UBE3C: variants seen among roughly 807,000 people sequenced by gnomAD.
UBE3C encodes ubiquitin protein ligase E3C, also known as ubiquitin-protein ligase E3C.
Under a neutral mutation model 129.4 loss-of-function variants are expected in UBE3C, and 42 were observed. The observed-to-expected ratio is 0.32, with a 90% CI of 0.25 to 0.42. The LOEUF (loss-of-function observed/expected upper bound fraction) is 0.42. Among genes scored for constraint, UBE3C ranks in the 10% least tolerant of loss-of-function variants. The pLI, the probability that UBE3C is intolerant of heterozygous loss-of-function variation, is 1.00. For missense variants in UBE3C, 1,049 were observed against 1,319.1 expected, an observed-to-expected ratio of 0.80 and a Z score of 3.17; for synonymous variants, 510 against 492.4, an observed-to-expected ratio of 1.04 and a Z score of -0.47.
At chr7:157,167,665 T>C (rs750384077) in intron 2 of UBE3C, among the ~76,000 whole-genome samples, 13 of 152,082 alleles carry the variant, frequency 8.5e-5, no homozygotes, top group Non-Finnish European at 1.5e-4. Flanking sequence ...TGCCTCCTGG[T>C]AGCTGGGACT....
At chr7:157,250,352 A>G (rs1446334843) in intron 19 of UBE3C, among the ~76,000 whole-genome samples, 1 of 152,040 alleles carries the variant, frequency 6.6e-6, no homozygotes, top group Non-Finnish European at 1.5e-5. Context: ...AAACCTGGCT[A>G]ATTTTTGTGT....
chr7:157,168,334 C>CAAAAAAAAAAA (rs34110466), intron 2 of UBE3C, among the ~76,000 whole-genome samples: 1 of 110,056 alleles, frequency 9.1e-6, no homozygotes, highest in Admixed American at 9.2e-5. Context: ...GACTCTGTCT[C>CAAAAAAAAAAA]AAAAAAAAAA....
chr7:157,167,546 T>C (rs1392019071), intron 2 of UBE3C, among the ~76,000 whole-genome samples: 4 of 150,368 alleles, frequency 2.7e-5, no homozygotes, highest in Non-Finnish European at 5.9e-5. Flanking sequence ...TCTCTTTTCT[T>C]TTTTTTTTTG....
At chr7:157,227,462 G>A (rs980451598) in intron 17 of UBE3C, among the ~76,000 whole-genome samples, 6 of 152,196 alleles carry the variant, frequency 3.9e-5, no homozygotes, top group African/African-American at 1.2e-4. Context: ...ACTTTGGGAG[G>A]CTGAGGCAGG....
chr7:157,148,966 A>T (rs1180628039), intron 1 of UBE3C, among the ~76,000 whole-genome samples: 1 of 152,162 alleles, frequency 6.6e-6, no homozygotes. Context: ...ATTTAGCAAC[A>T]CTGCATTTGT....
rs966575881 is a variant in UBE3C, at chr7:157,164,167, CT to C, written c.120+312del. 6.6e-5 allele frequency among the ~76,000 whole-genome samples: 10 copies of C among 151,556 alleles called. No homozygotes were observed. The South Asian group carries it at 1.9e-3, about 28-fold the overall frequency. On this transcript the variant is annotated intron_variant, in intron 2 of 22. Transcript: ENST00000348165. ...TAATGTTCATATTTCTTTTTCTTCT[CT>C]TTTTTTTAAGATACTGAGTCTTGCT...
chr7:157,254,914 C>T (rs927497749), intron 21 of UBE3C, among the ~76,000 whole-genome samples: 14 of 117,344 alleles, frequency 1.2e-4, no homozygotes, highest in African/African-American at 3.7e-4. Flanking sequence ...CACCTGCAGT[C>T]CCAGCGTGGT....
At chr7:157,195,899 A>G (rs570160143) in intron 10 of UBE3C, among the ~76,000 whole-genome samples, 2 of 152,302 alleles carry the variant, frequency 1.3e-5, no homozygotes, top group South Asian at 4.1e-4. Context: ...GTAGTAGGCA[A>G]GAAGAATAAT....
rs183411009 is a variant in UBE3C at position 157,173,291 on chromosome 7, G to A, written c.343-1628G>A. Among the ~76,000 whole-genome samples the A allele has an allele frequency of 2.0e-5, 3 of 152,302 alleles. No individual in the cohort carries two copies. The East Asian group carries it at 5.8e-4, about 29-fold the overall frequency. ...CTTAGGAGGCTGAGGCAGGAGGATC[G>A]TTTGAGCCCAGGTATTCAAGGCTGC... On this transcript the variant is annotated intron_variant, in intron 4 of 22. Coordinates refer to ENST00000348165, the MANE Select transcript of UBE3C (RefSeq NM_014671.3).
intron 1 of UBE3C, among the ~76,000 whole-genome samples, chr7:157,161,791 G>C (rs1365279022): frequency 6.6e-6 from 1 of 152,038 alleles, no homozygotes; most frequent in Non-Finnish European, 1.5e-5. Context: ...TTGATTCTAG[G>C]CCAAGCATGG....
chr7:157,164,669 G>A, intron 2 of UBE3C: 1 of 339,644 alleles, frequency 2.9e-6, no homozygotes, highest in Middle Eastern at 8.9e-4. Flanking sequence ...AGAGTTTTTT[G>A]TTTTGTTATT....
chr7:157,259,126 G>T (rs1342870598), intron 22 of UBE3C, among the ~76,000 whole-genome samples: 3 of 152,214 alleles, frequency 2.0e-5, no homozygotes, highest in African/African-American at 4.8e-5. Context: ...ACCAGCAGCT[G>T]CAGCATCACT....
chr7:157,251,832 C>G (rs529498872), intron 19 of UBE3C, among the ~76,000 whole-genome samples: 1 of 151,464 alleles, frequency 6.6e-6, no homozygotes, highest in African/African-American at 2.4e-5. Flanking sequence ...AGTAGTGTAA[C>G]CGTTTAAAAG....
chr7:157,139,992 T>C, intron 1 of UBE3C: 12 of 985,434 alleles, frequency 1.2e-5, no homozygotes, highest in Non-Finnish European at 1.3e-5. Flanking sequence ...TTACATCTGT[T>C]GTGATCGACA....
At chr7:157,142,836 C>T (rs1807492261) in intron 1 of UBE3C, among the ~76,000 whole-genome samples, 1 of 151,150 alleles carries the variant, frequency 6.6e-6, no homozygotes, top group South Asian at 2.1e-4. Context: ...TACCCCCTAA[C>T]TCTAAAATAA....
intron 4 of UBE3C, among the ~76,000 whole-genome samples, chr7:157,171,147 T>TAGAG (rs1261421832): frequency 6.6e-6 from 1 of 151,762 alleles, no homozygotes; most frequent in Non-Finnish European, 1.5e-5. Flanking sequence ...ACTGAGGGAG[T>TAGAG]AGAGCCTTGC....
At chr7:157,182,433 T>G (rs1808691058) in intron 8 of UBE3C, 105 bp downstream of exon 8, 5 of 1,168,030 alleles carry the variant, frequency 4.3e-6, no homozygotes, top group Non-Finnish European at 6.0e-6. Flanking sequence ...AAGGTGGGCC[T>G]CTCCTGGAGG....
intron 18 of UBE3C, among the ~76,000 whole-genome samples, chr7:157,236,424 A>G (rs531288943): frequency 7.9e-5 from 12 of 152,048 alleles, no homozygotes; most frequent in South Asian, 2.1e-4. Context: ...TCTTGGTTAT[A>G]TATTTGAAAA....
chr7:157,163,154 G>C (rs1413836529), intron 1 of UBE3C, among the ~76,000 whole-genome samples: 1 of 152,032 alleles, frequency 6.6e-6, no homozygotes, highest in Non-Finnish European at 1.5e-5. Flanking sequence ...GGGAGGCCGA[G>C]GCGGGTGGAT....
Sources: allele counts gnomAD v4.1 joint callset (sites outside exome capture counted in the v4.1 genomes callset), GRCh38; gene constraint gnomAD v4.1.1; transcripts MANE v1.5; gene names NCBI Gene and HGNC (gene_info 2026-07-23, HGNC 2026-07-21).